The following HMGN5 variants were observed in gnomAD, a reference collection of about 807,000 sequenced individuals.
HMGN5 encodes high mobility group nucleosome binding domain 5, also known as high mobility group nucleosome-binding domain-containing protein 5.
A neutral mutation model predicts 9.5 loss-of-function variants in HMGN5; 4 were observed. The ratio of observed to expected loss-of-function variants is 0.42; its 90% CI spans 0.21 to 0.96. The LOEUF is 0.96. HMGN5 is among the 40% of genes least tolerant of loss of function. The pLI, the probability that HMGN5 is intolerant of heterozygous loss-of-function variation, is 0.30. For synonymous variants in HMGN5, 55 were observed against 57.1 expected (o/e 0.96, Z 0.16); for missense variants, 192 against 187.5 (o/e 1.02, Z -0.14).
In HMGN5 at chrX:81,147,080, C is replaced by A. The variant is rs190034206; in HGVS notation, c.-123-25408G>T. 3.4e-3 allele frequency among the ~76,000 whole-genome samples: 385 copies of A among 111,865 alleles called. 2 individuals are homozygous for A. The highest frequency in any genetic ancestry group is 0.012 in the African/African-American group (366 of 30,767). On this transcript the variant is annotated intron_variant, in intron 1 of 6. Transcript: ENST00000358130. ...ATTCTACTAGAGGTACAAAGAGGAGCTGGTACCATTCCTTCTGAAACTATT... is the reference window on the plus strand; with the variant it reads ...ATTCTACTAGAGGTACAAAGAGGAGATGGTACCATTCCTTCTGAAACTATT...
chrX:81,143,950 T>C (rs1384342542), intron 1 of HMGN5, among the ~76,000 whole-genome samples: 1 of 111,875 alleles, frequency 8.9e-6, no homozygotes, highest in African/African-American at 3.3e-5. Flanking sequence ...CCTCTCTAGA[T>C]ATTTCCTCTC....
intron 1 of HMGN5, among the ~76,000 whole-genome samples, chrX:81,150,605 AC>A (rs1213022614): frequency 8.9e-6 from 1 of 111,969 alleles, no homozygotes; most frequent in African/African-American, 3.2e-5. Flanking sequence ...CAAAAACAAA[AC>A]AAAATGAAAA....
In HMGN5 at chrX:81,138,324, AT is replaced by A. The variant is rs772222511; in HGVS notation, c.-123-16653del. Among the ~76,000 whole-genome samples the A allele has an allele frequency of 3.4e-3, 378 of 111,573 alleles. 1 individual carries two copies. Among genetic ancestry groups the A allele is most frequent in the African/African-American group, 0.012 (357 of 30,822 alleles). ...TCAATTAAAGTAATCCATCATTTTA[AT>A]TTTTTTATTTTTAATTGTTTGTGGG... On this transcript the variant is annotated intron_variant, in intron 1 of 6. Transcript: ENST00000358130.
intron 3 of HMGN5, 157 bp from the exon 4 acceptor site, chrX:81,118,916 G>T: frequency 2.4e-6 from 1 of 413,762 alleles, no homozygotes; most frequent in Non-Finnish European, 4.1e-6. Context: ...TATAAGTTTT[G>T]ATTTTTCCGT....
chrX:81,157,774 C>A (rs2075387000), intron 1 of HMGN5, among the ~76,000 whole-genome samples: 1 of 110,902 alleles, frequency 9.0e-6, no homozygotes, highest in African/African-American at 3.3e-5. Context: ...TCAACTGACC[C>A]AGGTAAAATA....
At chrX:81,199,652 T>G (rs1027997111) in intron 1 of HMGN5, among the ~76,000 whole-genome samples, 14 of 111,882 alleles carry the variant, frequency 1.3e-4, no homozygotes, top group Non-Finnish European at 2.3e-4. Context: ...TAATAAACGG[T>G]GCTGGGAAAA....
chrX:81,193,391 A>G (rs1396455920), intron 1 of HMGN5, among the ~76,000 whole-genome samples: 2 of 112,215 alleles, frequency 1.8e-5, no homozygotes, highest in Admixed American at 9.5e-5. Context: ...GAAACCTCCA[A>G]ATGGTTTTAG....
chrX:81,126,851 CA>C (rs1004698329), intron 1 of HMGN5, among the ~76,000 whole-genome samples: 3 of 111,375 alleles, frequency 2.7e-5, no homozygotes. Flanking sequence ...TATTCAACAA[CA>C]AAAAAATTAT....
chrX:81,152,651 G>A (rs5959826), intron 1 of HMGN5, among the ~76,000 whole-genome samples: 4,889 of 110,679 alleles, frequency 0.044, 275 homozygotes, highest in African/African-American at 0.15. Flanking sequence ...CTCGGTATAT[G>A]CCCAAAGGAC....
intron 1 of HMGN5, among the ~76,000 whole-genome samples, chrX:81,168,363 TATC>T (rs2075416652): frequency 1.8e-5 from 2 of 111,852 alleles, no homozygotes; most frequent in East Asian, 5.6e-4. Context: ...ATAACATTCT[TATC>T]ATGTGGCTAT....
intron 1 of HMGN5, among the ~76,000 whole-genome samples, chrX:81,145,735 G>A (rs2075341758): frequency 9.0e-6 from 1 of 111,375 alleles, no homozygotes; most frequent in Non-Finnish European, 1.9e-5. Context: ...AGACCCATCT[G>A]TGTGCTGTAT....
chrX:81,174,159 G>C (rs779375766), intron 1 of HMGN5, among the ~76,000 whole-genome samples: 2 of 111,154 alleles, frequency 1.8e-5, no homozygotes, highest in Non-Finnish European at 3.8e-5. Context: ...ACACTTATGT[G>C]TTTATCCACA....
At chrX:81,187,126 C>A (rs2075479769) in intron 1 of HMGN5, among the ~76,000 whole-genome samples, 1 of 111,818 alleles carries the variant, frequency 8.9e-6, no homozygotes, top group South Asian at 3.7e-4. Flanking sequence ...TACATATGGT[C>A]TATCCTTGAG....
At chrX:81,168,765 C>A (rs994095596) in intron 1 of HMGN5, among the ~76,000 whole-genome samples, 1 of 111,673 alleles carries the variant, frequency 9.0e-6, no homozygotes, top group South Asian at 3.8e-4. Context: ...TCTAATACAG[C>A]GGGTCTACAA....
chrX:81,185,033 G>A (rs372000144), intron 1 of HMGN5, among the ~76,000 whole-genome samples: 24 of 111,628 alleles, frequency 2.1e-4, no homozygotes, highest in African/African-American at 7.5e-4. Flanking sequence ...CTATAGCTCC[G>A]TAATATAATT....
In HMGN5 at chrX:81,121,846, C is replaced by G. The variant is rs185087872; in HGVS notation, c.-123-174G>C. Among the ~76,000 whole-genome samples the G allele has an allele frequency of 3.5e-3, 390 of 112,814 alleles. 2 individuals carry two copies. Among genetic ancestry groups the G allele is most frequent in the Non-Finnish European group, 5.6e-3 (298 of 53,331 alleles). On this transcript the variant is annotated intron_variant, in intron 1 of 6. Transcript: ENST00000358130. ...GGCCCGCGAACTTGCCCGAAGCCCT[C>G]GTTCCCTGTCGGCTCTAACCGCTGG...
chrX:81,147,668 A>G (rs1450714615), intron 1 of HMGN5, among the ~76,000 whole-genome samples: 2 of 111,848 alleles, frequency 1.8e-5, no homozygotes, highest in South Asian at 7.4e-4. Flanking sequence ...AAGATATTCA[A>G]TTAGGAAAAA....
intron 1 of HMGN5, among the ~76,000 whole-genome samples, chrX:81,170,745 A>G (rs1181706534): frequency 9.0e-6 from 1 of 111,483 alleles, no homozygotes; most frequent in Non-Finnish European, 1.9e-5. Context: ...CCACTCTATT[A>G]TCATTAGTAA....
intron 1 of HMGN5, among the ~76,000 whole-genome samples, chrX:81,156,712 G>T (rs1009528375): frequency 1.8e-5 from 2 of 111,054 alleles, no homozygotes; most frequent in Admixed American, 1.9e-4. Flanking sequence ...TGTATCCCAA[G>T]GGCCTATCTC....
Sources: gnomAD v4.1 joint callset for allele counts (sites outside exome capture counted in the v4.1 genomes callset) on GRCh38, gnomAD v4.1.1 for gene constraint, MANE v1.5 for transcripts, NCBI Gene and HGNC (gene_info 2026-07-23, HGNC 2026-07-21) for gene names.